WNK3: variants seen among roughly 807,000 people sequenced by gnomAD.
WNK3 encodes serine/threonine-protein kinase WNK3.
Under a neutral mutation model 116.7 loss-of-function variants are expected in WNK3, and 18 were observed. That is an observed-to-expected ratio of 0.15 (90% CI 0.11 to 0.23). WNK3 has a LOEUF of 0.23. Ranked by LOEUF, WNK3 falls within the 10% of genes least tolerant of loss-of-function variation. WNK3 has a pLI of 1.00. For synonymous variants in WNK3, 404 were observed against 469.4 expected (o/e 0.86, Z 1.80); for missense variants, 993 against 1,323.8 (o/e 0.75, Z 3.88).
rs911209638 is a variant in WNK3, at chrX:54,316,783, T to C, written c.538-5492A>G. On this transcript the variant is annotated intron_variant, in intron 2 of 23. Coordinates refer to ENST00000354646, the Ensembl canonical transcript of WNK3. The stretch of plus-strand genomic sequence containing the variant: ...TGGCTATTATCTAAGTAAATAAATA[T>C]ATAAATAAATAAATAAGAAGTGTTG... Among the ~76,000 whole-genome samples, 3 of 110,891 alleles carry C rather than the reference T, an allele frequency of 2.7e-5. No homozygotes were observed. In the South Asian group the frequency reaches 1.1e-3, roughly 42 times the overall value.
chrX:54,217,249 C>T lies in WNK3; in HGVS notation c.4870+11465G>A, dbSNP rs782108763. Among the ~76,000 whole-genome samples the T allele has an allele frequency of 8.8e-5, 9 of 101,870 alleles. No individual in the cohort carries two copies. In the South Asian group the frequency reaches 4.2e-3, roughly 47 times the overall value. 88.5% of individuals were successfully genotyped at this position (101,870 alleles called of 115,157 possible). ...AGGAGAATGGCATGAACCCAGGAGG[C>T]GGAGCTTGCATTGAGCTGAGATTGC... On this transcript the variant is annotated intron_variant, in intron 22 of 23. Transcript: ENST00000354646.
chrX:54,254,546 C>T (rs2068169938), intron 12 of WNK3, among the ~76,000 whole-genome samples: 1 of 111,563 alleles, frequency 9.0e-6, no homozygotes, highest in Non-Finnish European at 1.9e-5. Context: ...ATGAATCCGT[C>T]TCCTATGGAT....
In WNK3 at chrX:54,308,096, C is replaced by T. The variant is rs1557169018; in HGVS notation, c.932-17G>A. ...CAGGAGTTCCTACAAAATAACACCACCACCACATTCTTATAGAAGAGAAAA... is the reference window on the plus strand; with the variant it reads ...CAGGAGTTCCTACAAAATAACACCATCACCACATTCTTATAGAAGAGAAAA... On this transcript the variant is annotated splice_polypyrimidine_tract_variant and intron_variant, in intron 4 of 23. Transcript: ENST00000354646. The T allele has an allele frequency of 1.7e-6, 2 of 1,160,809 alleles. No individual in the cohort carries two copies. The highest frequency in any genetic ancestry group is 2.1e-5 in the South Asian group (1 of 48,348).
chrX:54,229,160 C>T (rs782642598), intron 21 of WNK3, among the ~76,000 whole-genome samples: 157 of 110,108 alleles, frequency 1.4e-3, no homozygotes, highest in Non-Finnish European at 2.4e-3. Flanking sequence ...GATTGGAAAC[C>T]CTGTAGAAAT....
At chrX:54,292,404 C>T (rs2068647909) in intron 10 of WNK3, among the ~76,000 whole-genome samples, 1 of 111,164 alleles carries the variant, frequency 9.0e-6, no homozygotes, top group Non-Finnish European at 1.9e-5. Flanking sequence ...ATATTAGACA[C>T]ATTAAGAGGA....
chrX:54,249,390 T>C (rs1557153560), exon 17 of WNK3: 2 of 1,210,248 alleles, frequency 1.7e-6, no homozygotes, highest in South Asian at 3.5e-5. Context: ...CAGCTGGAAC[T>C]GCACGAACTG....
At chrX:54,356,613 AG>A (rs2069597390) in intron 1 of WNK3, among the ~76,000 whole-genome samples, 1 of 111,951 alleles carries the variant, frequency 8.9e-6, no homozygotes, top group South Asian at 3.7e-4. Context: ...TCACATACTA[AG>A]ACCTCTTCAA....
intron 23 of WNK3, among the ~76,000 whole-genome samples, chrX:54,201,491 C>T (rs1237577313): frequency 4.5e-5 from 5 of 112,076 alleles, no homozygotes; most frequent in Admixed American, 9.5e-5. Flanking sequence ...AGAATATTGA[C>T]GTGAAACACA....
chrX:54,345,278 A>AAC (rs1378952020), intron 1 of WNK3, among the ~76,000 whole-genome samples: 4 of 78,830 alleles, frequency 5.1e-5, no homozygotes, highest in African/African-American at 1.9e-4. Context: ...CAACAACTAT[A>AAC]TATATATGTA....
chrX:54,204,520 TG>T (rs1219009014), intron 22 of WNK3, among the ~76,000 whole-genome samples: 1 of 112,389 alleles, frequency 8.9e-6, no homozygotes, highest in Non-Finnish European at 1.9e-5. Flanking sequence ...TTTACTAATT[TG>T]GGGCAACCAT....
At chrX:54,292,080 A>G (rs782436569) in intron 10 of WNK3, among the ~76,000 whole-genome samples, 18 of 112,256 alleles carry the variant, frequency 1.6e-4, no homozygotes, top group Admixed American at 6.7e-4. Context: ...TCAGAAATGA[A>G]TAATGCTGAC....
Position 54,320,391 on chromosome X carries a change from G to A in WNK3, c.538-9100C>T, listed in dbSNP as rs185976937. Among the ~76,000 whole-genome samples the A allele has an allele frequency of 1.2e-4, 13 of 112,108 alleles. No individual in the cohort carries two copies. The East Asian group carries it at 2.8e-3, about 24-fold the overall frequency. On this transcript the variant is annotated intron_variant, in intron 2 of 23. Coordinates refer to ENST00000354646, the Ensembl canonical transcript of WNK3. ...TCAGAGGCTACATGGATCTGTTTCC[G>A]CAAATGTGAAAGGAGAAATCATTAA...
At chrX:54,283,766 C>CAAAAAAAAA (rs782377430) in intron 10 of WNK3, among the ~76,000 whole-genome samples, 10 of 24,039 alleles carry the variant, frequency 4.2e-4, no homozygotes, top group Non-Finnish European at 6.2e-4. Flanking sequence ...AAGACTGTCT[C>CAAAAAAAAA]AAAAAAAAAA....
intron 22 of WNK3, among the ~76,000 whole-genome samples, chrX:54,218,776 T>C (rs1388822608): frequency 9.1e-6 from 1 of 109,359 alleles, no homozygotes; most frequent in Non-Finnish European, 1.9e-5. Context: ...CCCAGCTACC[T>C]GGGGGGCTGA....
In WNK3 at chrX:54,285,758, G is replaced by A. The variant is rs1350177998; in HGVS notation, c.2037+7130C>T. Among the ~76,000 whole-genome samples the A allele has an allele frequency of 2.7e-5, 3 of 111,542 alleles. No homozygotes were observed. In the East Asian group the frequency reaches 8.4e-4, roughly 31 times the overall value. On this transcript the variant is annotated intron_variant, in intron 10 of 23. Transcript: ENST00000354646. ...TCTTCTATGTCTTGATAATGGTTGG[G>A]GTTACATAGGTGTAAGCATTTGTCG...
intron 2 of WNK3, among the ~76,000 whole-genome samples, chrX:54,320,904 C>CT (rs1371412497): frequency 3.0e-4 from 32 of 105,960 alleles, no homozygotes; most frequent in Admixed American, 7.2e-4. Flanking sequence ...GTTTTCTTTT[C>CT]TTTTTTTTTT....
chrX:54,269,669 T>C (rs1557158795), intron 10 of WNK3, among the ~76,000 whole-genome samples: 4 of 111,044 alleles, frequency 3.6e-5, no homozygotes. Flanking sequence ...CCAATCCTAA[T>C]GTACATGGAT....
intron 22 of WNK3, among the ~76,000 whole-genome samples, chrX:54,218,985 C>T (rs782095792): frequency 9.0e-6 from 1 of 111,101 alleles, no homozygotes; most frequent in African/African-American, 3.3e-5. Context: ...CCTCACAGAC[C>T]TGTTGGACAC....
chrX:54,259,361 A>G, intron 10 of WNK3, 23 bp from the exon 11 acceptor site: 1 of 1,056,272 alleles, frequency 9.5e-7, no homozygotes, highest in Non-Finnish European at 1.3e-6. Context: ...CAGACATAAA[A>G]CTTGCTATGA....
Sources: gnomAD v4.1 joint callset for allele counts (sites outside exome capture counted in the v4.1 genomes callset) on GRCh38, gnomAD v4.1.1 for gene constraint, MANE v1.5 for transcripts, NCBI Gene and HGNC (gene_info 2026-07-23, HGNC 2026-07-21) for gene names.